PCDHGA5: variants seen among roughly 807,000 people sequenced by gnomAD.
PCDHGA5 encodes protocadherin gamma-A5.
Under a neutral mutation model 56.7 loss-of-function variants are expected in PCDHGA5, and 36 were observed. The ratio of observed to expected loss-of-function variants is 0.64; its 90% CI spans 0.49 to 0.84. PCDHGA5 has a LOEUF of 0.84. Ranked by LOEUF, PCDHGA5 falls within the 40% of genes least tolerant of loss-of-function variation. PCDHGA5 has a pLI of 0.00. For missense variants in PCDHGA5, 1,305 were observed against 1,201.5 expected (o/e 1.09, Z -1.27); for synonymous variants, 563 against 520.2 (o/e 1.08, Z -1.12).
At chr5:141,369,119 A>C (rs1265778026) in intron 1 of PCDHGA5, among the ~76,000 whole-genome samples, 2 of 152,206 alleles carry the variant, frequency 1.3e-5, no homozygotes, top group Non-Finnish European at 2.9e-5. Flanking sequence ...ACTGTAAGAC[A>C]CCTGTCAGAA....
chr5:141,388,779 A>C lies in PCDHGA5; in HGVS notation c.2421+22028A>C, dbSNP rs2091486135. The C allele has an allele frequency of 4.3e-6, 7 of 1,613,974 alleles. No individual in the cohort carries two copies. In the East Asian group the frequency reaches 1.6e-4, roughly 36 times the overall value. On this transcript the variant is annotated intron_variant, in intron 1 of 3. Coordinates refer to ENST00000518069, the MANE Select transcript of PCDHGA5 (RefSeq NM_018918.3). ...TGACCTGAACTCTAACACCGGGGAAATTACTGTTTTAAATACATTAGATTT... is the reference window on the plus strand; with the variant it reads ...TGACCTGAACTCTAACACCGGGGAACTTACTGTTTTAAATACATTAGATTT...
chr5:141,398,356 G>C (rs1242233046), intron 1 of PCDHGA5: 7 of 1,409,380 alleles, frequency 5.0e-6, no homozygotes, highest in East Asian at 2.4e-5. Context: ...TTACTTCACC[G>C]TGAGCGCAGA....
At chr5:141,421,894 C>T (rs764642401) in intron 1 of PCDHGA5, 6 of 1,613,586 alleles carry the variant, frequency 3.7e-6, no homozygotes, top group Non-Finnish European at 4.2e-6. Flanking sequence ...CGATCCCATC[C>T]GAAAGGGCGC....
Position 141,395,397 on chromosome 5 carries a change from A to G in PCDHGA5, c.2421+28646A>G. ...GGTGTTACTATAAAATTGAACTCTAATAGTCATAGGTTATTGTTTCATTTG... is the reference window on the plus strand; with the variant it reads ...GGTGTTACTATAAAATTGAACTCTAGTAGTCATAGGTTATTGTTTCATTTG... On this transcript the variant is annotated intron_variant, in intron 1 of 3. Coordinates refer to ENST00000518069, the MANE Select transcript of PCDHGA5 (RefSeq NM_018918.3). The G allele has an allele frequency of 7.8e-6, 7 of 895,314 alleles. No individual in the cohort carries two copies. The South Asian group carries it at 9.5e-5, about 12-fold the overall frequency. 55.5% of individuals were successfully genotyped at this position (895,314 alleles called of 1,614,324 possible). A position where few individuals can be genotyped will look rare whatever the true frequency, so the allele number is the denominator to read the frequency against.
intron 1 of PCDHGA5, among the ~76,000 whole-genome samples, chr5:141,369,499 T>A (rs1052662878): frequency 5.3e-5 from 8 of 151,958 alleles, no homozygotes; most frequent in Non-Finnish European, 1.2e-4. Context: ...AAACCCCACC[T>A]CTATAGAAAA....
At chr5:141,419,877 C>T in intron 1 of PCDHGA5, 3 of 1,614,062 alleles carry the variant, frequency 1.9e-6, no homozygotes, top group Non-Finnish European at 8.5e-7. Flanking sequence ...GAGGTACTGC[C>T]GGATTTCAGC....
rs989554651 is a variant in PCDHGA5 at position 141,372,743 on chromosome 5, T to C, written c.2421+5992T>C. 8 of 1,613,498 alleles carry C rather than the reference T, an allele frequency of 5.0e-6. No homozygotes were observed. In the Admixed American group the frequency reaches 5.0e-5, roughly 10 times the overall value. On this transcript the variant is annotated intron_variant, in intron 1 of 3. Transcript: ENST00000518069. ...CTGCACCACAAGATCTTCTATGTGA[T>C]GAAGCCTCTTGGTTTGAAAGTAATG...
At chr5:141,380,893 A>G (rs1776824840) in intron 1 of PCDHGA5, among the ~76,000 whole-genome samples, 2 of 152,246 alleles carry the variant, frequency 1.3e-5, no homozygotes, top group East Asian at 3.8e-4. Flanking sequence ...TTTGTTTGAA[A>G]ATATCTACAA....
rs111842066 is a variant in PCDHGA5, at chr5:141,486,269, G to A, written c.2422-8538G>A. 6.2e-7 allele frequency: 1 copy of A among 1,613,996 alleles called. No homozygotes were observed. Reference sequence around the variant, plus strand: ...AACCCTCCCCGAGAGTGCAGAACCTGGCACTGTGGTGGCACTTATCAGTGT... The same window carrying A: ...AACCCTCCCCGAGAGTGCAGAACCTAGCACTGTGGTGGCACTTATCAGTGT... On this transcript the variant is annotated intron_variant, in intron 1 of 3. Transcript: ENST00000518069. This position sits in a 1 kb window ranked among gnomAD's most constrained non-coding sequence, Gnocchi z 5.0.
intron 1 of PCDHGA5, chr5:141,419,440 C>T (rs368129873): frequency 1.9e-6 from 3 of 1,613,034 alleles, no homozygotes; most frequent in African/African-American, 2.7e-5. Context: ...AGCTGCGCAC[C>T]TTCGAGCTCA....
In PCDHGA5 at chr5:141,384,252, CT is replaced by C; in HGVS notation, c.2421+17503del. On this transcript the variant is annotated intron_variant, in intron 1 of 3. Transcript: ENST00000518069. ...CAGACACCAACGATAACCCACCCAC[CT>C]TCCCCCACTCATCCTACTCAGTCTA... 4 of 1,613,902 alleles carry C rather than the reference CT, an allele frequency of 2.5e-6. 1 individual carries two copies. In the South Asian group the frequency reaches 4.4e-5, roughly 18 times the overall value.
chr5:141,431,995 G>A lies in PCDHGA5; in HGVS notation c.2422-62812G>A. 6.2e-7 allele frequency: 1 copy of A among 1,614,048 alleles called. No individual in the cohort carries two copies. Among genetic ancestry groups the A allele is most frequent in the East Asian group, 2.2e-5 (1 of 44,898 alleles). The stretch of plus-strand genomic sequence containing the variant: ...TAGTCACAGACATAGTCTTGGATAG[G>A]GAACAGGTTCCTAGCTACAACATCA... On this transcript the variant is annotated intron_variant, in intron 1 of 3. Coordinates refer to ENST00000518069, the MANE Select transcript of PCDHGA5 (RefSeq NM_018918.3). This position sits in a 1 kb window ranked among gnomAD's most constrained non-coding sequence, Gnocchi z 4.8.
In PCDHGA5 at chr5:141,368,077, T is replaced by A. The variant is rs563591342; in HGVS notation, c.2421+1326T>A. Among the ~76,000 whole-genome samples the A allele has an allele frequency of 2.2e-4, 33 of 152,336 alleles. 1 individual carries two copies. The South Asian group carries it at 5.6e-3, about 26-fold the overall frequency. On this transcript the variant is annotated intron_variant, in intron 1 of 3. Transcript: ENST00000518069. ...AGAACTACTATATTTCCCTTCTGCA[T>A]CTGATTTGCTGAAGATGATTTTCAG...
intron 1 of PCDHGA5, among the ~76,000 whole-genome samples, chr5:141,435,157 A>G (rs1387976305): frequency 6.6e-6 from 1 of 152,176 alleles, no homozygotes; most frequent in Non-Finnish European, 1.5e-5. Context: ...AAACTTTTGT[A>G]AATAGAGTGG....
Position 141,487,781 on chromosome 5 carries a change from G to T in PCDHGA5, c.2422-7026G>T. ...AGACGCTGTGCTTTGTAACTGTTTC[G>T]TGAATTAACCAGAGTTGTCACAGTT... On this transcript the variant is annotated intron_variant, in intron 1 of 3. Transcript: ENST00000518069. This position sits in a 1 kb window ranked among gnomAD's most constrained non-coding sequence, Gnocchi z 5.0. 2 of 1,526,850 alleles carry T rather than the reference G, an allele frequency of 1.3e-6. No homozygotes were observed. The highest frequency in any genetic ancestry group is 8.8e-7 in the Non-Finnish European group (1 of 1,130,880). The allele number at this position is 1,526,850 out of a possible 1,614,324, so 94.6% of individuals were successfully genotyped here. A position where few individuals can be genotyped will look rare whatever the true frequency, so the allele number is the denominator to read the frequency against.
chr5:141,469,049 G>A (rs916327969), intron 1 of PCDHGA5, among the ~76,000 whole-genome samples: 3 of 152,054 alleles, frequency 2.0e-5, no homozygotes, highest in African/African-American at 2.4e-5. Context: ...GGCCAAGGTG[G>A]GAGGATTGCT....
chr5:141,489,994 C>A lies in PCDHGA5; in HGVS notation c.2422-4813C>A, dbSNP rs1307285048. The A allele has an allele frequency of 1.2e-5, 19 of 1,614,192 alleles. No individual in the cohort carries two copies. The highest frequency in any genetic ancestry group is 1.6e-4 in the Middle Eastern group (1 of 6,062). On this transcript the variant is annotated intron_variant, in intron 1 of 3. Transcript: ENST00000518069. This position sits in a 1 kb window ranked among gnomAD's most constrained non-coding sequence, Gnocchi z 4.5. Reference sequence around the variant, plus strand: ...ATCCTCAGTTCTACGTGTGGGAATCCCAGAGAATGCACCCATTGGTACTCT... The same window carrying A: ...ATCCTCAGTTCTACGTGTGGGAATCACAGAGAATGCACCCATTGGTACTCT...
At position 141,365,502 on chromosome 5, in the gene PCDHGA5, C is replaced by T. The variant is rs373907411; in HGVS notation, c.1172C>T (p.Pro391Leu). ...EIACSIPRNL[P>L]FKLEKSVDNY... is the part of the protein sequence containing the mutation. ...GCATGCTCTATTCCTAGGAATTTGC[C>T]TTTTAAATTGGAGAAGTCAGTTGAT... is the stretch of plus-strand genomic sequence containing the variant. The change falls in exon 1 of 4, where the codon CCT (proline) becomes CTT (leucine). Residue 391 changes from proline (P) to leucine (L), a missense_variant. Physicochemically the swap from Pro to Leu is moderately conservative, Grantham distance 98 (BLOSUM62 -3). Transcript: ENST00000518069. 5 of 1,613,918 alleles carry T rather than the reference C, an allele frequency of 3.1e-6. No individual in the cohort carries two copies. Among genetic ancestry groups the T allele is most frequent in the East Asian group, 2.2e-5 (1 of 44,876 alleles).
rs1266310917 is a variant in PCDHGA5 at position 141,486,868 on chromosome 5, G to A, written c.2422-7939G>A. 2 of 1,614,104 alleles carry A rather than the reference G, an allele frequency of 1.2e-6. No homozygotes were observed. Among genetic ancestry groups the A allele is most frequent in the Non-Finnish European group, 1.7e-6 (2 of 1,180,056 alleles). ...ACCTCAATGACAATGCTCCAGCTGT[G>A]CTCCGTCCTCGGGCCCGGCCTGGTT... On this transcript the variant is annotated intron_variant, in intron 1 of 3. Transcript: ENST00000518069. The surrounding 1 kb of genome is among the most constrained non-coding windows in gnomAD (Gnocchi z 5.0).
Sources: gnomAD v4.1 joint callset for allele counts (sites outside exome capture counted in the v4.1 genomes callset) on GRCh38, gnomAD v4.1.1 for gene constraint, Gnocchi (gnomAD v3.1) non-coding constraint, MANE v1.5 for transcripts, NCBI Gene and HGNC (gene_info 2026-07-23, HGNC 2026-07-21) for gene names.